DOCK1: variants seen among roughly 807,000 people sequenced by gnomAD.
DOCK1 encodes dedicator of cytokinesis 1, also known as dedicator of cytokinesis protein 1.
Under a neutral mutation model 262.7 loss-of-function variants are expected in DOCK1, and 138 were observed. The observed-to-expected ratio is 0.53, with a 90% CI of 0.46 to 0.61. DOCK1 has a LOEUF of 0.61. Ranked by LOEUF, DOCK1 falls within the 20% of genes least tolerant of loss-of-function variation. DOCK1 has a pLI of 0.00. For synonymous variants in DOCK1, 866 were observed against 867.4 expected (o/e 1.00, Z 0.03); for missense variants, 1,908 against 2,370.7 (o/e 0.80, Z 4.05).
At chr10:126,932,687 G>A (rs2034273218) in intron 1 of DOCK1, among the ~76,000 whole-genome samples, 2 of 152,132 alleles carry the variant, frequency 1.3e-5, no homozygotes, top group African/African-American at 4.8e-5. Context: ...TAGGTAAGGG[G>A]TGGACCGTCG....
At chr10:127,433,927 C>T (rs2069479879) in intron 48 of DOCK1, among the ~76,000 whole-genome samples, 2 of 151,656 alleles carry the variant, frequency 1.3e-5, no homozygotes, top group South Asian at 2.1e-4. Context: ...TAATGTGGCT[C>T]AGGGAAGCCA....
At chr10:127,297,501 GGAGGA>G (rs2061542494) in intron 29 of DOCK1, among the ~76,000 whole-genome samples, 1 of 149,022 alleles carries the variant, frequency 6.7e-6, no homozygotes, top group Non-Finnish European at 1.5e-5. Context: ...GAGCACAGAA[GGAGGA>G]GAGGAGAACC....
At chr10:127,409,984 A>G (rs2067749609) in intron 42 of DOCK1, among the ~76,000 whole-genome samples, 1 of 152,220 alleles carries the variant, frequency 6.6e-6, no homozygotes, top group African/African-American at 2.4e-5. Flanking sequence ...GCAATGGCAT[A>G]GAAAGACCTG....
intron 23 of DOCK1, among the ~76,000 whole-genome samples, chr10:127,105,588 T>G (rs1201684869): frequency 6.6e-6 from 1 of 152,184 alleles, no homozygotes. Flanking sequence ...TTTTGCTTTA[T>G]CCTCACAGAG....
intron 44 of DOCK1, among the ~76,000 whole-genome samples, chr10:127,415,781 C>T (rs966930018): frequency 5.9e-5 from 9 of 152,174 alleles, no homozygotes; most frequent in Non-Finnish European, 1.2e-4. Flanking sequence ...GTTTCATTTA[C>T]GTGAAACTCA....
Position 127,278,314 on chromosome 10 carries a change from A to G in DOCK1, c.3044+20885A>G, listed in dbSNP as rs144745773. Among the ~76,000 whole-genome samples, 494 of 152,216 alleles carry G rather than the reference A, an allele frequency of 3.2e-3. 2 individuals are homozygous for G. Among genetic ancestry groups the G allele is most frequent in the African/African-American group, 0.01 (427 of 41,558 alleles). On this transcript the variant is annotated intron_variant, in intron 29 of 51. Coordinates refer to ENST00000623213, the MANE Select transcript of DOCK1 (RefSeq NM_001290223.2). The stretch of plus-strand genomic sequence containing the variant: ...AGAGACCGTTAGCATGCGGTACAGT[A>G]AGGCAGCCACTCATTAACTGTTTGT...
intron 29 of DOCK1, among the ~76,000 whole-genome samples, chr10:127,267,290 G>A (rs1412736606): frequency 6.6e-6 from 1 of 152,096 alleles, no homozygotes; most frequent in African/African-American, 2.4e-5. Flanking sequence ...TCATTCTTAA[G>A]GCCTAGTCAT....
intron 22 of DOCK1, among the ~76,000 whole-genome samples, chr10:127,053,453 T>G (rs953551697): frequency 6.6e-6 from 1 of 152,234 alleles, no homozygotes; most frequent in South Asian, 2.1e-4. Context: ...TAGAGTGATG[T>G]TTCATTTCGG....
At chr10:127,390,578 G>A (rs2066414603) in intron 38 of DOCK1, among the ~76,000 whole-genome samples, 1 of 152,124 alleles carries the variant, frequency 6.6e-6, no homozygotes, top group South Asian at 2.1e-4. Flanking sequence ...ACCATATTGA[G>A]GATACAGCAA....
chr10:127,260,888 C>T (rs1463353583), intron 29 of DOCK1, among the ~76,000 whole-genome samples: 1 of 80,054 alleles, frequency 1.2e-5, no homozygotes, highest in Admixed American at 1.4e-4. Context: ...TGTGTGTGTA[C>T]CCGTGCTCAT....
intron 1 of DOCK1, among the ~76,000 whole-genome samples, chr10:126,932,617 A>G (rs1203530903): frequency 6.6e-6 from 1 of 152,110 alleles, no homozygotes; most frequent in Non-Finnish European, 1.5e-5. Context: ...AGGGGAAACA[A>G]GGCCCAGCAG....
chr10:127,099,569 C>T (rs530600007), intron 23 of DOCK1, among the ~76,000 whole-genome samples: 44 of 152,186 alleles, frequency 2.9e-4, no homozygotes, highest in South Asian at 2.1e-4. Context: ...GGGGAGCAGG[C>T]GTGTCACATG....
intron 38 of DOCK1, among the ~76,000 whole-genome samples, chr10:127,388,600 A>C (rs953916249): frequency 3.9e-5 from 6 of 152,250 alleles, no homozygotes; most frequent in African/African-American, 1.2e-4. Flanking sequence ...CCATGGCTCC[A>C]AACAGCACAG....
intron 40 of DOCK1, among the ~76,000 whole-genome samples, chr10:127,406,503 T>C (rs527412416): frequency 3.9e-4 from 60 of 152,312 alleles, no homozygotes; most frequent in Non-Finnish European, 7.4e-4. Context: ...ACTTCACAGA[T>C]GAGCTGGCAG....
chr10:127,389,500 G>C (rs556068812), intron 38 of DOCK1, among the ~76,000 whole-genome samples: 72 of 152,298 alleles, frequency 4.7e-4, no homozygotes, highest in South Asian at 1.9e-3. Context: ...AGGCCTTAGT[G>C]GGCAGGTGAC....
chr10:127,066,649 G>T (rs1043510292), intron 23 of DOCK1, among the ~76,000 whole-genome samples: 1 of 152,180 alleles, frequency 6.6e-6, no homozygotes, highest in Admixed American at 6.5e-5. Flanking sequence ...GCCTCCTGAG[G>T]GTTAGCTCCC....
chr10:127,120,151 T>A (rs1025520253), intron 25 of DOCK1, among the ~76,000 whole-genome samples: 4 of 152,226 alleles, frequency 2.6e-5, no homozygotes, highest in Non-Finnish European at 5.9e-5. Context: ...CAGCTGATTC[T>A]AGCTTCCTCG....
chr10:127,066,744 G>A (rs1260614906), intron 23 of DOCK1, among the ~76,000 whole-genome samples: 3 of 152,308 alleles, frequency 2.0e-5, no homozygotes, highest in East Asian at 1.9e-4. Context: ...GCTGTTCAAC[G>A]TGCTTTGTAT....
intron 1 of DOCK1, among the ~76,000 whole-genome samples, chr10:126,943,529 A>G (rs2035174074): frequency 6.6e-6 from 1 of 152,202 alleles, no homozygotes; most frequent in Non-Finnish European, 1.5e-5. Context: ...ATTTAAGTTA[A>G]TGCAATCATT....
Sources: allele counts gnomAD v4.1 joint callset (sites outside exome capture counted in the v4.1 genomes callset), GRCh38; gene constraint gnomAD v4.1.1; transcripts MANE v1.5; gene names NCBI Gene and HGNC (gene_info 2026-07-23, HGNC 2026-07-21).